BFAR: variants seen among roughly 807,000 people sequenced by gnomAD.
The protein encoded by BFAR is RING finger protein 47.
A neutral mutation model predicts 54.4 loss-of-function variants in BFAR; 52 were observed. The ratio of observed to expected loss-of-function variants is 0.96; its 90% CI spans 0.77 to 1.21. The LOEUF is 1.21. BFAR is among the 50% of genes most tolerant of loss of function. BFAR has a pLI of 0.00. For missense variants in BFAR, 571 were observed against 534.0 expected (o/e 1.07, Z -0.68); for synonymous variants, 215 against 204.3 (o/e 1.05, Z -0.45).
intron 4 of BFAR, 148 bp downstream of exon 4, chr16:14,650,121 AGACCAGCCT>A: frequency 1.4e-6 from 1 of 739,436 alleles, no homozygotes; most frequent in Middle Eastern, 3.8e-4. Context: ...CAGGAGTTCC[AGACCAGCCT>A]GACCAATATG....
chr16:14,659,225 G>GT (rs1295639386), intron 5 of BFAR, among the ~76,000 whole-genome samples: 20 of 141,430 alleles, frequency 1.4e-4, no homozygotes, highest in Non-Finnish European at 1.7e-4. Context: ...ATGCAATTTG[G>GT]TTTTTTTTGT....
Position 14,644,305 on chromosome 16 carries a change from CTG to C in BFAR, c.-41_-40del. 1.3e-6 allele frequency: 2 copies of C among 1,570,116 alleles called. No homozygotes were observed. The highest frequency in any genetic ancestry group is 1.7e-6 in the Non-Finnish European group (2 of 1,153,362). On this transcript the variant is annotated 5_prime_UTR_variant, in exon 2 of 8. The change abolishes the stop of an existing upstream ORF in the 5' untranslated region. Coordinates refer to ENST00000261658, the MANE Select transcript of BFAR (RefSeq NM_016561.3). ...GATGTTTTGCAGCAGTTTTCTACGT[CTG>C]AAATTTTTTATGTCTCTGGAACCCA...
intron 7 of BFAR, among the ~76,000 whole-genome samples, chr16:14,665,565 T>C (rs955261561): frequency 2.6e-5 from 4 of 152,104 alleles, no homozygotes; most frequent in African/African-American, 9.7e-5. Flanking sequence ...ATCCCCAGAC[T>C]CAGGGCTTGT....
intron 5 of BFAR, among the ~76,000 whole-genome samples, chr16:14,659,673 C>T (rs931978730): frequency 2.6e-4 from 40 of 152,074 alleles, no homozygotes; most frequent in Non-Finnish European, 4.7e-4. Context: ...GCCTCAGCCT[C>T]CCCAGTAGCT....
At chr16:14,634,135 A>G (rs1481565969) in intron 1 of BFAR, among the ~76,000 whole-genome samples, 7 of 152,128 alleles carry the variant, frequency 4.6e-5, no homozygotes, top group African/African-American at 1.7e-4. Context: ...GCCGAAGCCC[A>G]TTGGTCGGTC....
At chr16:14,658,575 A>G (rs1287224647) in intron 5 of BFAR, among the ~76,000 whole-genome samples, 1 of 151,320 alleles carries the variant, frequency 6.6e-6, no homozygotes, top group Non-Finnish European at 1.5e-5. Context: ...ACTAAAATAC[A>G]AAAAAAAATT....
chr16:14,648,924 G>A (rs533620143), intron 3 of BFAR, among the ~76,000 whole-genome samples: 14 of 151,908 alleles, frequency 9.2e-5, no homozygotes, highest in Non-Finnish European at 1.9e-4. Context: ...GCAGTGGTGC[G>A]ATCTAGGTAA....
chr16:14,658,629 A>G (rs1303784198), intron 5 of BFAR, among the ~76,000 whole-genome samples: 1 of 151,706 alleles, frequency 6.6e-6, no homozygotes, highest in East Asian at 2.0e-4. Context: ...GCTACTGGGG[A>G]GGCTGAGGCA....
chr16:14,639,836 A>G (rs1959567530), intron 1 of BFAR, among the ~76,000 whole-genome samples: 1 of 152,236 alleles, frequency 6.6e-6, no homozygotes, highest in Non-Finnish European at 1.5e-5. Flanking sequence ...CAACAATGAT[A>G]AGTAACGACC....
At chr16:14,650,143 G>T in intron 4 of BFAR, 170 bp downstream of exon 4, 1 of 548,172 alleles carries the variant, frequency 1.8e-6, no homozygotes, top group Non-Finnish European at 2.9e-6. Context: ...CCAATATGAT[G>T]AAACCCCATC....
chr16:14,655,971 A>T (rs1251762962), intron 5 of BFAR, among the ~76,000 whole-genome samples: 1 of 151,722 alleles, frequency 6.6e-6, no homozygotes, highest in East Asian at 2.0e-4. Flanking sequence ...GCACTTTGGG[A>T]GGCCGAGGCG....
rs192242793 is a variant in BFAR, at chr16:14,641,891, T to C, written c.-73-2383T>C. On this transcript the variant is annotated intron_variant, in intron 1 of 7. Transcript: ENST00000261658. The stretch of plus-strand genomic sequence containing the variant: ...AATAAAATAAAAATCAAGTGAATTG[T>C]TACCATTTATGGTAGACTTACCATG... Among the ~76,000 whole-genome samples, 4 of 152,340 alleles carry C rather than the reference T, an allele frequency of 2.6e-5. No individual in the cohort carries two copies. In the East Asian group the frequency reaches 7.7e-4, roughly 29 times the overall value.
In BFAR at chr16:14,667,826, G is replaced by T. The variant is rs1960487297; in HGVS notation, c.1352G>T (p.Ter451LeuextTer13). Residue 451 changes from the stop codon to leucine, a stop_lost, in exon 8 of 8, where the codon TGA (stop) becomes TTA (leucine). Transcript: ENST00000261658. ...ELRRLETQVL[*>L] is the part of the protein sequence containing the mutation. The stretch of plus-strand genomic sequence containing the variant: ...CGGCGGCTGGAAACCCAGGTGTTGT[G>T]ACTGGCACTGCCCAGGCTGAGACTC... 1 of 1,613,666 alleles carries T rather than the reference G, an allele frequency of 6.2e-7. No homozygotes were observed. Among genetic ancestry groups the T allele is most frequent in the South Asian group, 1.1e-5 (1 of 91,072 alleles).
chr16:14,656,106 G>A (rs756911030), intron 5 of BFAR, among the ~76,000 whole-genome samples: 1 of 152,114 alleles, frequency 6.6e-6, no homozygotes, highest in Non-Finnish European at 1.5e-5. Context: ...TTTACTTGGA[G>A]GCAGGAGAAA....
At position 14,644,572 on chromosome 16, in the gene BFAR, A is replaced by C; in HGVS notation, c.226A>C (p.Lys76Gln). 6.2e-7 allele frequency: 1 copy of C among 1,614,150 alleles called. No individual in the cohort carries two copies. Among genetic ancestry groups the C allele is most frequent in the Non-Finnish European group, 8.5e-7 (1 of 1,180,018 alleles). ...KKTECPECREKWEGFPKVSIL... is the reference protein window; with the variant it reads ...KKTECPECREQWEGFPKVSIL... The stretch of plus-strand genomic sequence containing the variant: ...AACAGAATGTCCAGAATGCAGAGAA[A>C]AATGGGAAGGTTTCCCCAAAGTCAG... The change falls in exon 2 of 8, where the codon AAA becomes CAA. Residue 76 changes from lysine to glutamine, a missense_variant. By Grantham distance (53) the Lys-to-Gln change is moderately conservative. Transcript: ENST00000261658.
chr16:14,645,479 CTTG>C (rs1959765532), intron 2 of BFAR, among the ~76,000 whole-genome samples: 2 of 152,174 alleles, frequency 1.3e-5, no homozygotes, highest in African/African-American at 4.8e-5. Context: ...TTTCAGATAG[CTTG>C]TTATTTTCTG....
At chr16:14,647,090 A>G (rs1959818460) in intron 2 of BFAR, among the ~76,000 whole-genome samples, 1 of 150,782 alleles carries the variant, frequency 6.6e-6, no homozygotes, top group Non-Finnish European at 1.5e-5. Flanking sequence ...GATTTTTCAA[A>G]ATACTCTTTT....
At chr16:14,641,106 A>T (rs923151979) in intron 1 of BFAR, among the ~76,000 whole-genome samples, 4 of 152,224 alleles carry the variant, frequency 2.6e-5, no homozygotes, top group African/African-American at 9.6e-5. Context: ...TTTTTGAACT[A>T]AGTAATTATT....
At chr16:14,659,874 G>A (rs568925604) in intron 5 of BFAR, among the ~76,000 whole-genome samples, 71 of 152,170 alleles carry the variant, frequency 4.7e-4, no homozygotes, top group Non-Finnish European at 7.9e-4. Context: ...TTTCTAAAGA[G>A]AAAGAATCTT....
Sources: gnomAD v4.1 joint callset for allele counts (sites outside exome capture counted in the v4.1 genomes callset) on GRCh38, gnomAD v4.1.1 for gene constraint, MANE v1.5 for transcripts, NCBI Gene and HGNC (gene_info 2026-07-23, HGNC 2026-07-21) for gene names.